CDK15: variants seen among roughly 807,000 people sequenced by gnomAD.
CDK15 encodes the protein cyclin dependent kinase 15.
A neutral mutation model predicts 60.3 loss-of-function variants in CDK15; 62 were observed. That is an observed-to-expected ratio of 1.03 (90% confidence interval 0.84 to 1.27). The LOEUF is 1.27. Among genes scored for constraint, CDK15 ranks in the 50% most tolerant of loss-of-function variants. The probability of loss-of-function intolerance (pLI) is 0.00; values close to 1 mark genes in which losing one functional copy is unlikely to be tolerated. For missense variants in CDK15, 541 were observed against 527.8 expected (o/e 1.03, Z -0.25); for synonymous variants, 194 against 195.7 (o/e 0.99, Z 0.07).
At chr2:201,830,784 T>C (rs763973542) in intron 6 of CDK15, among the ~76,000 whole-genome samples, 2 of 152,228 alleles carry the variant, frequency 1.3e-5, no homozygotes, top group Non-Finnish European at 2.9e-5. Flanking sequence ...CAGGGGTTTT[T>C]ACTTAAAAGT....
intron 9 of CDK15, among the ~76,000 whole-genome samples, chr2:201,851,850 G>T (rs1197678179): frequency 6.6e-6 from 1 of 152,044 alleles, no homozygotes; most frequent in Non-Finnish European, 1.5e-5. Flanking sequence ...GTAGAGACAG[G>T]GTTTTACCAT....
At position 201,822,919 on chromosome 2, in the gene CDK15, A is replaced by C. The variant is rs1421404779; in HGVS notation, c.543+16A>C. ...TGAATACATGGTGAGTTGTTCGAGC[A>C]TTTTACAACACTTGAGAAAAATAAC... is the stretch of plus-strand genomic sequence containing the variant. On this transcript the variant is annotated intron_variant, in intron 5 of 13. Transcript: ENST00000652192. 7.5e-6 allele frequency: 11 copies of C among 1,459,358 alleles called. No homozygotes were observed. Among genetic ancestry groups the C allele is most frequent in the Non-Finnish European group, 9.6e-6 (10 of 1,040,308 alleles). 90.4% of individuals were successfully genotyped at this position (1,459,358 alleles called of 1,614,324 possible). A position where few individuals can be genotyped will look rare whatever the true frequency, so the allele number is the denominator to read the frequency against.
intron 10 of CDK15, among the ~76,000 whole-genome samples, chr2:201,860,162 C>G (rs1385599277): frequency 6.6e-6 from 1 of 152,116 alleles, no homozygotes; most frequent in African/African-American, 2.4e-5. Flanking sequence ...TGTGTGAGCT[C>G]AAATCCTAGC....
chr2:201,822,598 G>T (rs1696280977), intron 4 of CDK15, among the ~76,000 whole-genome samples: 1 of 152,218 alleles, frequency 6.6e-6, no homozygotes, highest in African/African-American at 2.4e-5. Context: ...CTAGCCTGTA[G>T]AAACAATAAG....
chr2:201,863,425 A>G (rs1326686103), intron 10 of CDK15, among the ~76,000 whole-genome samples: 1 of 152,146 alleles, frequency 6.6e-6, no homozygotes, highest in Non-Finnish European at 1.5e-5. Context: ...TGTTAAAAAG[A>G]AATAAAAGTT....
chr2:201,854,038 G>T (rs1269594759), intron 9 of CDK15, among the ~76,000 whole-genome samples: 2 of 152,110 alleles, frequency 1.3e-5, no homozygotes, highest in Admixed American at 6.6e-5. Context: ...GCCAGGCGTG[G>T]TGGCTTGCAT....
At position 201,823,736 on chromosome 2, in the gene CDK15, G is replaced by GT; in HGVS notation, c.606+11dup. The GT allele has an allele frequency of 6.2e-7, 1 of 1,612,820 alleles. No individual in the cohort carries two copies. Among genetic ancestry groups the GT allele is most frequent in the Non-Finnish European group, 8.5e-7 (1 of 1,179,096 alleles). On this transcript the variant is annotated intron_variant, in intron 6 of 13. Transcript: ENST00000652192. The stretch of plus-strand genomic sequence containing the variant: ...ATCCTCATAATGTCAGAGTGAGTAC[G>GT]TTAAGGGTCAGGACCCTCTCCTGGC...
chr2:201,851,291 C>CAAAAAAAAAAAAAAAAAA, intron 9 of CDK15, among the ~76,000 whole-genome samples: 1 of 27,752 alleles, frequency 3.6e-5, no homozygotes. Flanking sequence ...GACTTCATCT[C>CAAAAAAAAAAAAAAAAAA]AAAAAAAAAA....
intron 8 of CDK15, 109 bp from the exon 9 acceptor site, chr2:201,847,272 C>T (rs764371627): frequency 8.3e-5 from 85 of 1,024,518 alleles, no homozygotes; most frequent in Admixed American, 4.5e-4. Flanking sequence ...TCATGTGGTC[C>T]GTATTTAACT....
intron 11 of CDK15, among the ~76,000 whole-genome samples, chr2:201,879,134 A>C (rs1289505343): frequency 1.3e-5 from 2 of 152,108 alleles, no homozygotes; most frequent in Non-Finnish European, 2.9e-5. Context: ...ATTTCAACAT[A>C]AGATCAACTT....
At position 201,809,481 on chromosome 2, in the gene CDK15, A is replaced by G. The variant is rs142524401; in HGVS notation, c.368+1529A>G. Among the ~76,000 whole-genome samples, 597 of 152,294 alleles carry G rather than the reference A, an allele frequency of 3.9e-3. 7 individuals are homozygous for G. Among genetic ancestry groups the G allele is most frequent in the Non-Finnish European group, 4.5e-3 (307 of 68,020 alleles). ...CATGATTATATATTAGATCTCACGA[A>G]TACTTGAAATTCTTTCTGTTCTAAT... On this transcript the variant is annotated intron_variant, in intron 3 of 13. Transcript: ENST00000652192.
chr2:201,849,143 T>A (rs1415224448), intron 9 of CDK15, among the ~76,000 whole-genome samples: 3 of 152,340 alleles, frequency 2.0e-5, no homozygotes, highest in Admixed American at 2.0e-4. Context: ...AACTTTCGTT[T>A]CCTTGTCTGT....
chr2:201,882,159 C>G lies in CDK15; in HGVS notation c.1198+1992C>G, dbSNP rs553205784. On this transcript the variant is annotated intron_variant, in intron 12 of 13. Transcript: ENST00000652192. This position sits in a 1 kb window ranked among gnomAD's most constrained non-coding sequence, Gnocchi z 4.0. ...CAGAGGGGCCGTGGTGCATGGGTAT[C>G]TAAGGTTGTGTGTGTATGTGTGTAT... Among the ~76,000 whole-genome samples, 2 of 152,086 alleles carry G rather than the reference C, an allele frequency of 1.3e-5. No homozygotes were observed. The highest frequency in any genetic ancestry group is 4.8e-5 in the African/African-American group (2 of 41,486).
chr2:201,869,095 C>G (rs935325577), intron 10 of CDK15, among the ~76,000 whole-genome samples: 2 of 152,162 alleles, frequency 1.3e-5, no homozygotes, highest in African/African-American at 4.8e-5. Flanking sequence ...TTTATTGTGA[C>G]ACTATTCACA....
chr2:201,833,746 G>A, intron 6 of CDK15, 102 bp from the exon 7 acceptor site: 4 of 723,168 alleles, frequency 5.5e-6, no homozygotes, highest in Non-Finnish European at 7.9e-6. Context: ...TCTCTCAAGA[G>A]ACACTTTTAC....
chr2:201,811,154 CT>C (rs61361602), intron 3 of CDK15, among the ~76,000 whole-genome samples: 124,908 of 138,684 alleles, frequency 0.9, 56,709 homozygotes, highest in East Asian at 0.99. Context: ...AGGGTATGCA[CT>C]TTTTTTTTTT....
At chr2:201,826,343 C>A (rs1696492364) in intron 6 of CDK15, among the ~76,000 whole-genome samples, 1 of 150,784 alleles carries the variant, frequency 6.6e-6, no homozygotes. Context: ...GCCTGTAGTC[C>A]CAGCTACTCA....
intron 11 of CDK15, among the ~76,000 whole-genome samples, chr2:201,878,680 GC>G (rs1041250001): frequency 6.6e-6 from 1 of 152,162 alleles, no homozygotes; most frequent in Non-Finnish European, 1.5e-5. Flanking sequence ...CTGAGTGATT[GC>G]CAATTAATAG....
At position 201,807,825 on chromosome 2, in the gene CDK15, C is replaced by G. The variant is rs1488281474; in HGVS notation, c.274-33C>G. ...AAAGTGTTCTTTCTCTCTTCCCTTT[C>G]ACCCGCTCCTTTTCCCCATTCCCCT... On this transcript the variant is annotated intron_variant, in intron 2 of 13. Transcript: ENST00000652192. 16 of 1,586,106 alleles carry G rather than the reference C, an allele frequency of 1.0e-5. 1 individual carries two copies. Among genetic ancestry groups the G allele is most frequent in the Non-Finnish European group, 1.4e-5 (16 of 1,168,280 alleles).
Sources: allele counts gnomAD v4.1 joint callset (sites outside exome capture counted in the v4.1 genomes callset), GRCh38; gene constraint gnomAD v4.1.1; non-coding constraint Gnocchi (gnomAD v3.1); transcripts MANE v1.5; gene names NCBI Gene and HGNC (gene_info 2026-07-23, HGNC 2026-07-21).